Variants in PLCL2 observed in about 807,000 individuals in gnomAD.
The protein encoded by PLCL2 is phospholipase C like 2, also known as inactive phospholipase C-like protein 2.
In PLCL2, 4 loss-of-function variants were observed where a neutral mutation model predicts 79.6. The ratio of observed to expected loss-of-function variants is 0.05; its 90% CI spans 0.02 to 0.11. The LOEUF (loss-of-function observed/expected upper bound fraction) is 0.11, where lower values mean the gene tolerates loss of function less well. Among genes scored for constraint, PLCL2 ranks in the 10% least tolerant of loss-of-function variants. PLCL2 has a pLI of 1.00. For missense variants in PLCL2, 895 were observed against 1,291.0 expected (o/e 0.69, Z 4.70); for synonymous variants, 484 against 457.7 (o/e 1.06, Z -0.73).
At chr3:16,922,583 C>T (rs537673946) in intron 1 of PLCL2, among the ~76,000 whole-genome samples, 56 of 152,204 alleles carry the variant, frequency 3.7e-4, no homozygotes, top group Non-Finnish European at 6.8e-4. Flanking sequence ...GGCTTAGAAA[C>T]AATATTAGGT....
intron 1 of PLCL2, among the ~76,000 whole-genome samples, chr3:17,006,820 T>A (rs2064265400): frequency 6.6e-6 from 1 of 152,260 alleles, no homozygotes; most frequent in Non-Finnish European, 1.5e-5. Context: ...CTGTTCCACA[T>A]ACATGGGTAT....
At chr3:16,990,112 G>A (rs1012943435) in intron 1 of PLCL2, among the ~76,000 whole-genome samples, 3 of 141,566 alleles carry the variant, frequency 2.1e-5, no homozygotes, top group East Asian at 5.1e-4. Flanking sequence ...TGATGAGGAT[G>A]ACGATGACGA....
intron 1 of PLCL2, among the ~76,000 whole-genome samples, chr3:16,979,929 C>G (rs1035459908): frequency 2.7e-5 from 4 of 150,638 alleles, no homozygotes; most frequent in African/African-American, 7.3e-5. Flanking sequence ...CAGAGGCGAC[C>G]CTCACCTCCC....
At chr3:17,048,549 C>G (rs2064806034) in intron 4 of PLCL2, among the ~76,000 whole-genome samples, 1 of 152,188 alleles carries the variant, frequency 6.6e-6, no homozygotes, top group Non-Finnish European at 1.5e-5. Context: ...AAAGCCCATA[C>G]ATGACGTCTT....
chr3:16,947,419 C>G (rs572106086), intron 1 of PLCL2, among the ~76,000 whole-genome samples: 55 of 152,226 alleles, frequency 3.6e-4, no homozygotes, highest in Non-Finnish European at 6.5e-4. Flanking sequence ...GAACCACACT[C>G]AGAAAATGGG....
chr3:17,011,023 T>A lies in PLCL2; in HGVS notation c.1677T>A (p.Asp559Glu). 1 of 1,614,036 alleles carries A rather than the reference T, an allele frequency of 6.2e-7. No homozygotes were observed. Among genetic ancestry groups the A allele is most frequent in the Non-Finnish European group, 8.5e-7 (1 of 1,179,986 alleles). Residue 559 changes from aspartate to glutamate, a missense_variant, in exon 2 of 6, where the codon GAT (aspartate) becomes GAA (glutamate). By Grantham distance (45) the Asp-to-Glu change is conservative. Around this residue, in one of 6 missense-constraint regions of PLCL2, gnomAD observed 242 missense variants for 399.5 expected, o/e 0.61. Coordinates refer to ENST00000615277, the MANE Select transcript of PLCL2 (RefSeq NM_001144382.2). This position sits in a 1 kb window ranked among gnomAD's most constrained non-coding sequence, Gnocchi z 7.9. ...AGGAATCTTATCTACCATCCCCAGA[T>A]GTCCTGAAAGGGAAAATACTAATTA... is the stretch of plus-strand genomic sequence containing the variant. ...NVEESYLPSPDVLKGKILIKA... is the reference protein window; with the variant it reads ...NVEESYLPSPEVLKGKILIKA...
Position 16,975,244 on chromosome 3 carries a change from C to A in PLCL2, c.328-34430C>A, listed in dbSNP as rs535103178. On this transcript the variant is annotated intron_variant, in intron 1 of 5. Coordinates refer to ENST00000615277, the MANE Select transcript of PLCL2 (RefSeq NM_001144382.2). Reference sequence around the variant, plus strand: ...ACTTGTCACGGGGTTTGTTTGGGGCCAGCTCCCCAGGGAAGTCTTGGTGAC... The same window carrying A: ...ACTTGTCACGGGGTTTGTTTGGGGCAAGCTCCCCAGGGAAGTCTTGGTGAC... Among the ~76,000 whole-genome samples the A allele has an allele frequency of 4.8e-3, 725 of 152,240 alleles. 3 individuals carry two copies. Among genetic ancestry groups the A allele is most frequent in the African/African-American group, 0.016 (682 of 41,544 alleles).
chr3:16,942,406 C>G (rs1051859277), intron 1 of PLCL2, among the ~76,000 whole-genome samples: 2 of 151,828 alleles, frequency 1.3e-5, no homozygotes, highest in African/African-American at 4.8e-5. Context: ...GAAAGGTTTC[C>G]TATCAACTTC....
chr3:16,966,114 T>C (rs2063803686), intron 1 of PLCL2, among the ~76,000 whole-genome samples: 3 of 151,578 alleles, frequency 2.0e-5, no homozygotes, highest in African/African-American at 7.3e-5. Context: ...AAGGGAATGC[T>C]TCCAGTTTTT....
intron 5 of PLCL2, among the ~76,000 whole-genome samples, chr3:17,083,721 AC>A (rs1258552715): frequency 6.6e-6 from 1 of 152,208 alleles, no homozygotes. Context: ...ACTAGGACCT[AC>A]TGACAGATGG....
chr3:17,013,488 T>C (rs1340974096), intron 2 of PLCL2, among the ~76,000 whole-genome samples: 1 of 152,186 alleles, frequency 6.6e-6, no homozygotes, highest in African/African-American at 2.4e-5. Flanking sequence ...GAGTAAGTGG[T>C]GTAATAAGAG....
chr3:16,959,669 A>G (rs1279995227), intron 1 of PLCL2, among the ~76,000 whole-genome samples: 3 of 152,058 alleles, frequency 2.0e-5, no homozygotes, highest in Non-Finnish European at 4.4e-5. Context: ...TATCACCTCT[A>G]TGCTGATGGC....
intron 1 of PLCL2, among the ~76,000 whole-genome samples, chr3:16,965,844 ATGCT>A (rs2063801327): frequency 6.6e-6 from 1 of 151,786 alleles, no homozygotes; most frequent in Non-Finnish European, 1.5e-5. Flanking sequence ...GTGTATAAGA[ATGCT>A]TGTGATTTTT....
At chr3:17,032,803 C>G (rs1440077543) in intron 3 of PLCL2, among the ~76,000 whole-genome samples, 1 of 152,170 alleles carries the variant, frequency 6.6e-6, no homozygotes, top group Admixed American at 6.6e-5. Context: ...ATGCAGGAGA[C>G]ACCCATATTA....
At chr3:17,055,864 A>G (rs1483223452) in intron 4 of PLCL2, among the ~76,000 whole-genome samples, 1 of 152,188 alleles carries the variant, frequency 6.6e-6, no homozygotes, top group East Asian at 1.9e-4. Flanking sequence ...GGCATGCACC[A>G]GCTGTGTGAT....
intron 3 of PLCL2, among the ~76,000 whole-genome samples, chr3:17,019,800 T>C (rs373533281): frequency 6.6e-6 from 1 of 150,492 alleles, no homozygotes; most frequent in East Asian, 1.9e-4. Flanking sequence ...CAAAAGTTTA[T>C]TTTACTTAAA....
At chr3:16,904,595 G>T (rs1472260462) in intron 1 of PLCL2, among the ~76,000 whole-genome samples, 1 of 152,066 alleles carries the variant, frequency 6.6e-6, no homozygotes, top group Non-Finnish European at 1.5e-5. Flanking sequence ...CATCCTGGAA[G>T]CACAGCCTGG....
intron 1 of PLCL2, among the ~76,000 whole-genome samples, chr3:16,918,730 T>A (rs1173492070): frequency 1.3e-5 from 2 of 152,362 alleles, no homozygotes; most frequent in East Asian, 3.9e-4. Flanking sequence ...TTGACTTTGC[T>A]GGGTCTCAGT....
intron 5 of PLCL2, among the ~76,000 whole-genome samples, chr3:17,077,921 C>T (rs1381118561): frequency 2.0e-5 from 3 of 152,220 alleles, no homozygotes; most frequent in Non-Finnish European, 2.9e-5. Context: ...TATCTTTCTG[C>T]CTCTTCTCCA....
Sources: gnomAD v4.1 joint callset for allele counts (sites outside exome capture counted in the v4.1 genomes callset) on GRCh38, gnomAD v4.1.1 for gene constraint, gnomAD v4.1.1 regional missense constraint, Gnocchi (gnomAD v3.1) non-coding constraint, MANE v1.5 for transcripts, NCBI Gene and HGNC (gene_info 2026-07-23, HGNC 2026-07-21) for gene names.